The following SSBP2 variants were observed in gnomAD, a reference collection of about 807,000 sequenced individuals.
SSBP2 encodes single-stranded DNA-binding protein 2.
In SSBP2, 17 loss-of-function variants were observed where a neutral mutation model predicts 61.8. The observed-to-expected ratio is 0.28, with a 90% CI of 0.19 to 0.41. SSBP2 has a LOEUF of 0.41. SSBP2 is among the 10% of genes least tolerant of loss of function. The pLI is 1.00. For missense variants in SSBP2, 310 were observed against 458.7 expected, an observed-to-expected ratio of 0.68 and a Z score of 2.96; for synonymous variants, 139 against 141.3, an observed-to-expected ratio of 0.98 and a Z score of 0.12.
intron 4 of SSBP2, among the ~76,000 whole-genome samples, chr5:81,563,238 C>T (rs187693419): frequency 5.6e-4 from 85 of 152,198 alleles, no homozygotes; most frequent in Non-Finnish European, 8.5e-4. Flanking sequence ...GATGCAAATA[C>T]AATCCAAAGG....
At chr5:81,714,746 G>GT (rs1157427177) in intron 1 of SSBP2, among the ~76,000 whole-genome samples, 5 of 152,104 alleles carry the variant, frequency 3.3e-5, no homozygotes, top group African/African-American at 1.2e-4. Context: ...TGATGGGCTT[G>GT]TTTTTTCTTG....
chr5:81,626,912 A>T (rs914717466), intron 3 of SSBP2, among the ~76,000 whole-genome samples: 3 of 152,220 alleles, frequency 2.0e-5, no homozygotes, highest in African/African-American at 7.2e-5. Flanking sequence ...ACAATTCAGG[A>T]ACTTGAATTC....
intron 3 of SSBP2, among the ~76,000 whole-genome samples, chr5:81,632,682 C>G (rs1747838655): frequency 1.3e-5 from 2 of 152,086 alleles, no homozygotes; most frequent in Admixed American, 1.3e-4. Context: ...AATCTCCTCT[C>G]TCCCTGTATC....
chr5:81,645,764 C>T (rs7714997), intron 2 of SSBP2, among the ~76,000 whole-genome samples: 23,684 of 151,956 alleles, frequency 0.16, 2,832 homozygotes, highest in African/African-American at 0.33. Flanking sequence ...TTGAGAATAT[C>T]TCTAAATAAT....
At chr5:81,709,332 AT>A (rs1236824805) in intron 1 of SSBP2, among the ~76,000 whole-genome samples, 2 of 151,784 alleles carry the variant, frequency 1.3e-5, no homozygotes, top group Non-Finnish European at 3.0e-5. Context: ...GCAAATAATT[AT>A]TTTTCCATTT....
At chr5:81,634,967 T>C (rs1244521711) in intron 3 of SSBP2, among the ~76,000 whole-genome samples, 2 of 152,256 alleles carry the variant, frequency 1.3e-5, no homozygotes, top group East Asian at 1.9e-4. Flanking sequence ...TTGTTTTCCC[T>C]ATAGACTGTT....
At chr5:81,611,168 TA>T (rs1173854076) in intron 4 of SSBP2, among the ~76,000 whole-genome samples, 1 of 152,156 alleles carries the variant, frequency 6.6e-6, no homozygotes, top group Non-Finnish European at 1.5e-5. Flanking sequence ...TTTATTTATT[TA>T]AAAAAGATAT....
intron 1 of SSBP2, among the ~76,000 whole-genome samples, chr5:81,722,560 A>G (rs1047670468): frequency 1.3e-5 from 2 of 151,974 alleles, no homozygotes; most frequent in Non-Finnish European, 2.9e-5. Context: ...CATTCAGATA[A>G]TACCTAGCCA....
At chr5:81,613,653 T>C (rs1745679022) in intron 4 of SSBP2, among the ~76,000 whole-genome samples, 1 of 152,234 alleles carries the variant, frequency 6.6e-6, no homozygotes, top group Non-Finnish European at 1.5e-5. Context: ...TTGTATCTCC[T>C]TTAAGAGTAG....
intron 1 of SSBP2, among the ~76,000 whole-genome samples, chr5:81,657,203 T>G (rs1388534233): frequency 2.0e-5 from 3 of 152,162 alleles, no homozygotes; most frequent in African/African-American, 7.2e-5. Context: ...AACCTTTATA[T>G]CCTTTTATAT....
At chr5:81,535,677 G>A (rs1770750839) in intron 4 of SSBP2, among the ~76,000 whole-genome samples, 1 of 152,054 alleles carries the variant, frequency 6.6e-6, no homozygotes, top group South Asian at 2.1e-4. Flanking sequence ...TTTTCAACAA[G>A]TGTTGCTAGA....
chr5:81,498,200 C>T (rs1343894177), intron 5 of SSBP2, among the ~76,000 whole-genome samples: 1 of 152,070 alleles, frequency 6.6e-6, no homozygotes, highest in African/African-American at 2.4e-5. Context: ...ACATAACCAT[C>T]TTTAGATTAA....
chr5:81,612,242 T>C lies in SSBP2; in HGVS notation c.282+3231A>G, dbSNP rs548286326. 9.2e-4 allele frequency among the ~76,000 whole-genome samples: 140 copies of C among 152,278 alleles called. 2 individuals are homozygous for C. In the South Asian group the frequency reaches 0.027, roughly 30 times the overall value. ...TTCAGTTTATGGATGTCTCTCAATA[T>C]GTGCACATACAAAAAACAACAGATG... On this transcript the variant is annotated intron_variant, in intron 4 of 16. Transcript: ENST00000320672.
chr5:81,598,392 A>G lies in SSBP2; in HGVS notation c.282+17081T>C, dbSNP rs777130150. On this transcript the variant is annotated intron_variant, in intron 4 of 16. Transcript: ENST00000320672. ...CAGGGAAAGCACCTTTCAAAAATGC[A>G]TAAGAAATATAGAAGAATCAAATAT... Among the ~76,000 whole-genome samples, 10 of 152,334 alleles carry G rather than the reference A, an allele frequency of 6.6e-5. No homozygotes were observed. The East Asian group carries it at 7.7e-4, about 12-fold the overall frequency.
intron 1 of SSBP2, among the ~76,000 whole-genome samples, chr5:81,683,257 A>G (rs1014698076): frequency 2.0e-5 from 3 of 152,166 alleles, no homozygotes; most frequent in Non-Finnish European, 4.4e-5. Flanking sequence ...CTACAGTACT[A>G]AAGAAGTGTG....
Position 81,750,956 on chromosome 5 carries a change from G to A in SSBP2, c.62+25C>T, listed in dbSNP as rs375676418. 3.8e-6 allele frequency: 6 copies of A among 1,578,686 alleles called. No homozygotes were observed. The Admixed American group carries it at 5.5e-5, about 14-fold the overall frequency. ...AGTGTGCGCGCGTGTGAAGGCGGAGGTGGGTGAGAAGCGGAGACACTTACT... is the reference window on the plus strand; with the variant it reads ...AGTGTGCGCGCGTGTGAAGGCGGAGATGGGTGAGAAGCGGAGACACTTACT... On this transcript the variant is annotated intron_variant, in intron 1 of 16. Transcript: ENST00000320672.
intron 4 of SSBP2, among the ~76,000 whole-genome samples, chr5:81,514,746 T>C (rs1199553699): frequency 1.3e-5 from 2 of 152,022 alleles, no homozygotes; most frequent in East Asian, 1.9e-4. Context: ...CTCAGTATGT[T>C]TGTAGCACAC....
rs552638401 is a variant in SSBP2, at chr5:81,645,256, G to A, written c.135+5011C>T. 3.9e-5 allele frequency among the ~76,000 whole-genome samples: 6 copies of A among 152,228 alleles called. No homozygotes were observed. The East Asian group carries it at 5.8e-4, about 15-fold the overall frequency. On this transcript the variant is annotated intron_variant, in intron 2 of 16. Transcript: ENST00000320672. ...CTATATTGCCTCAAAATTAAAGTTC[G>A]AGAGACTGGTTAGGAAATACTAATT...
At chr5:81,486,115 C>T (rs1318408065) in intron 6 of SSBP2, among the ~76,000 whole-genome samples, 1 of 151,958 alleles carries the variant, frequency 6.6e-6, no homozygotes, top group Non-Finnish European at 1.5e-5. Context: ...CAAAAAGAAT[C>T]CCTGAGAGAA....
Sources: gnomAD v4.1 joint callset for allele counts (sites outside exome capture counted in the v4.1 genomes callset) on GRCh38, gnomAD v4.1.1 for gene constraint, MANE v1.5 for transcripts, NCBI Gene and HGNC (gene_info 2026-07-23, HGNC 2026-07-21) for gene names.